The following ADAMTSL2 variants were observed in gnomAD, a reference collection of about 807,000 sequenced individuals.
ADAMTSL2 encodes the protein ADAMTS-like protein 2.
ADAMTSL2 carries 55 observed loss-of-function variants against 117.0 expected under a neutral mutation model. The observed-to-expected ratio is 0.47, with a 90% CI of 0.38 to 0.59. The LOEUF (loss-of-function observed/expected upper bound fraction) is 0.59, where lower values mean the gene tolerates loss of function less well. Among genes scored for constraint, ADAMTSL2 ranks in the 20% least tolerant of loss-of-function variants. The pLI is 0.00. For synonymous variants in ADAMTSL2, 572 were observed against 566.4 expected (o/e 1.01, Z -0.14); for missense variants, 1,182 against 1,354.5 (o/e 0.87, Z 2.00).
intron 4 of ADAMTSL2, 121 bp from the exon 5 acceptor site, chr9:133,539,650 C>T (rs544810104): frequency 9.2e-4 from 71 of 77,302 alleles, no homozygotes; most frequent in Non-Finnish European, 1.3e-3. Context: ...CCGTGGCCCC[C>T]GCACGGCTGT....
At chr9:133,563,308 C>A (rs1830791167) in intron 12 of ADAMTSL2, among the ~76,000 whole-genome samples, 1 of 152,250 alleles carries the variant, frequency 6.6e-6, no homozygotes, top group South Asian at 2.1e-4. Context: ...CGGGCAGACC[C>A]CTAGCGGAGC....
intron 17 of ADAMTSL2, 139 bp from the exon 18 acceptor site, chr9:133,573,704 G>T: frequency 9.9e-7 from 1 of 1,014,038 alleles, no homozygotes; most frequent in Non-Finnish European, 1.5e-6. Flanking sequence ...GGCTTCCACG[G>T]GTCCTGTGTC....
rs113936768 is a variant in ADAMTSL2, at chr9:133,557,950, C to T, written c.1649+2020C>T. Among the ~76,000 whole-genome samples the T allele has an allele frequency of 0.029, 4,188 of 145,094 alleles. 200 individuals are homozygous for T. Among genetic ancestry groups the T allele is most frequent in the African/African-American group, 0.1 (3,911 of 38,074 alleles). ...CCTCTGGGCCTCAGTTTCCCCATCT[C>T]TCACTGGGGGGCTTGTCAGGGGCTG... On this transcript the variant is annotated intron_variant, in intron 11 of 18. Coordinates refer to ENST00000651351, the MANE Select transcript of ADAMTSL2 (RefSeq NM_014694.4). This position sits in a 1 kb window ranked among gnomAD's most constrained non-coding sequence, Gnocchi z 5.2.
chr9:133,565,839 C>CCACACACACA (rs71281253), intron 12 of ADAMTSL2, among the ~76,000 whole-genome samples: 147 of 144,046 alleles, frequency 1.0e-3, no homozygotes, highest in South Asian at 3.9e-3. Context: ...TCTCCCGTGG[C>CCACACACACA]CACACACACA....
chr9:133,551,987 A>T (rs1416983366), intron 9 of ADAMTSL2, among the ~76,000 whole-genome samples: 1 of 151,400 alleles, frequency 6.6e-6, no homozygotes, highest in African/African-American at 2.4e-5. Flanking sequence ...CCACCACCAC[A>T]CCCAGCTAAT....
intron 10 of ADAMTSL2, among the ~76,000 whole-genome samples, chr9:133,555,087 C>T (rs1040947391): frequency 3.5e-4 from 53 of 152,104 alleles, no homozygotes; most frequent in Middle Eastern, 3.4e-3. Flanking sequence ...GCAAAAGCTT[C>T]GGGGGCCCCA....
intron 13 of ADAMTSL2, 49 bp downstream of exon 13, chr9:133,567,111 G>A: frequency 6.4e-7 from 1 of 1,572,636 alleles, no homozygotes; most frequent in South Asian, 1.1e-5. Context: ...GGGGCGTGAG[G>A]GGCTCTGCCC....
chr9:133,548,782 A>G (rs9776774), intron 9 of ADAMTSL2, among the ~76,000 whole-genome samples: 128,278 of 151,902 alleles, frequency 0.84, 54,929 homozygotes, highest in Non-Finnish European at 0.92. Context: ...ACTGTTGCGC[A>G]CCCACCCCAG....
chr9:133,546,027 C>T (rs984587374), intron 8 of ADAMTSL2, among the ~76,000 whole-genome samples: 1 of 152,066 alleles, frequency 6.6e-6, no homozygotes, highest in Non-Finnish European at 1.5e-5. Flanking sequence ...ATTTGGAAGC[C>T]GAACTCCTCT....
At chr9:133,569,666 T>C (rs1831059337) in intron 16 of ADAMTSL2, 88 bp downstream of exon 16, 4 of 1,346,588 alleles carry the variant, frequency 3.0e-6, no homozygotes, top group African/African-American at 1.5e-5. Context: ...GGACCACAGA[T>C]GGGTGAAAAA....
chr9:133,552,963 TGCCGTTCCATTGGTGTATA>T (rs1830520894), intron 9 of ADAMTSL2, among the ~76,000 whole-genome samples: 1 of 152,244 alleles, frequency 6.6e-6, no homozygotes, highest in African/African-American at 2.4e-5. Flanking sequence ...GGGCTGGTCC[TGCCGTTCCATTGGTGTATA>T]GCCCCTTCTC....
chr9:133,550,390 G>T (rs141971204), intron 9 of ADAMTSL2, among the ~76,000 whole-genome samples: 2 of 152,292 alleles, frequency 1.3e-5, no homozygotes, highest in Admixed American at 1.3e-4. Flanking sequence ...GATACGGCAG[G>T]CCCAGTGGAT....
chr9:133,555,293 G>T (rs900105652), intron 10 of ADAMTSL2, among the ~76,000 whole-genome samples: 1 of 134,192 alleles, frequency 7.5e-6, no homozygotes, highest in Non-Finnish European at 1.6e-5. Context: ...CTGAGGTTCC[G>T]GGGGGGGCCA....
In ADAMTSL2 at chr9:133,554,042, C is replaced by T. The variant is rs1830546679; in HGVS notation, c.940-315C>T. ...TTGTTGGCTTCATTACTTAAATTCTCTGCATACAGCATGCAGAGACGAGGG... is the reference window on the plus strand; with the variant it reads ...TTGTTGGCTTCATTACTTAAATTCTTTGCATACAGCATGCAGAGACGAGGG... On this transcript the variant is annotated intron_variant, in intron 9 of 18. Transcript: ENST00000651351. This position sits in a 1 kb window ranked among gnomAD's most constrained non-coding sequence, Gnocchi z 5.2. 6.6e-6 allele frequency among the ~76,000 whole-genome samples: 1 copy of T among 152,236 alleles called. No individual in the cohort carries two copies.
At chr9:133,539,653 A>ACGGCTGTCCTGTCCCGGCTGTCC in intron 4 of ADAMTSL2, 118 bp from the exon 5 acceptor site, 1 of 686,568 alleles carries the variant, frequency 1.5e-6, no homozygotes, top group South Asian at 1.8e-5. Context: ...TGGCCCCCGC[A>ACGGCTGTCCTGTCCCGGCTGTCC]CGGCTGTCCC....
At chr9:133,551,279 C>T (rs1002806164) in intron 9 of ADAMTSL2, among the ~76,000 whole-genome samples, 1 of 149,404 alleles carries the variant, frequency 6.7e-6, no homozygotes, top group Non-Finnish European at 1.5e-5. Flanking sequence ...TTTCTCTGCT[C>T]TCCCTTCATC....
intron 12 of ADAMTSL2, among the ~76,000 whole-genome samples, chr9:133,563,902 G>A (rs1215241524): frequency 0.039 from 25 of 648 alleles, no homozygotes; most frequent in Admixed American, 0.086. Context: ...AGAGAGAGAA[G>A]GGGAGAGAGA....
rs1370004812 is a variant in ADAMTSL2, at chr9:133,537,530, G to A, written c.216G>A (p.Arg72=). ...GGGGTGGGGTGACATCCCAGGAGCG[G>A]CACTGCCTGCAGCAGAGGTGCGAGG... The part of the protein sequence containing the change: ...SCGGGVTSQE[R]HCLQQRRKSV... Residue 72 remains arginine, a synonymous_variant, in exon 3 of 19, where the codon CGG becomes CGA. Transcript: ENST00000651351. The A allele has an allele frequency of 7.4e-6, 10 of 1,352,270 alleles. No individual in the cohort carries two copies. The highest frequency in any genetic ancestry group is 8.6e-6 in the Non-Finnish European group (9 of 1,043,286). The allele number at this position is 1,352,270 out of a possible 1,614,324, so 83.8% of individuals were successfully genotyped here.
At chr9:133,562,825 C>T (rs1375711220) in intron 12 of ADAMTSL2, among the ~76,000 whole-genome samples, 2 of 107,426 alleles carry the variant, frequency 1.9e-5, no homozygotes, top group Non-Finnish European at 1.8e-5. Flanking sequence ...CCGCTGTGGG[C>T]GGCGTGGTGG....
Sources: allele counts gnomAD v4.1 joint callset (sites outside exome capture counted in the v4.1 genomes callset), GRCh38; gene constraint gnomAD v4.1.1; non-coding constraint Gnocchi (gnomAD v3.1); transcripts MANE v1.5; gene names NCBI Gene and HGNC (gene_info 2026-07-23, HGNC 2026-07-21).